RNFT2: variants seen among roughly 807,000 people sequenced by gnomAD.
RNFT2 encodes the protein E3 ubiquitin-protein ligase RNFT2.
RNFT2 carries 36 observed loss-of-function variants against 53.0 expected under a neutral mutation model. The observed-to-expected ratio is 0.68, with a 90% CI of 0.52 to 0.90. The LOEUF is 0.90. Ranked by LOEUF, RNFT2 falls within the 40% of genes least tolerant of loss-of-function variation. The pLI is 0.00. For missense variants in RNFT2, 514 were observed against 585.6 expected, an observed-to-expected ratio of 0.88 and a Z score of 1.26; for synonymous variants, 260 against 253.2, an observed-to-expected ratio of 1.03 and a Z score of -0.26.
chr12:116,849,114 T>A (rs531785487), intron 10 of RNFT2, among the ~76,000 whole-genome samples, 200 bp from the exon 11 acceptor site: 59 of 152,186 alleles, frequency 3.9e-4, no homozygotes, highest in African/African-American at 1.4e-3. Flanking sequence ...CCACCACACC[T>A]GTCCCCTCCC....
chr12:116,771,214 C>T (rs1873160481), intron 6 of RNFT2, among the ~76,000 whole-genome samples: 1 of 151,952 alleles, frequency 6.6e-6, no homozygotes, highest in Admixed American at 6.6e-5. Context: ...AATCCCAGCA[C>T]TTTGGGAGGC....
chr12:116,750,887 ATATAATATATATATATATATATTT>A (rs1872207741), intron 4 of RNFT2, among the ~76,000 whole-genome samples: 1 of 2,656 alleles, frequency 3.8e-4, no homozygotes, highest in African/African-American at 5.3e-4. Flanking sequence ...TATATTATAT[ATATAATATATATATATATATATTT>A]TTTTTTGAGA....
At chr12:116,804,119 CA>C (rs1374396029) in intron 7 of RNFT2, among the ~76,000 whole-genome samples, 2 of 152,198 alleles carry the variant, frequency 1.3e-5, no homozygotes, top group Admixed American at 6.5e-5. Context: ...TGTCCATAAA[CA>C]AAATATGGTG....
intron 7 of RNFT2, among the ~76,000 whole-genome samples, chr12:116,796,814 G>A (rs143697394): frequency 6.6e-6 from 1 of 152,294 alleles, no homozygotes; most frequent in African/African-American, 2.4e-5. Flanking sequence ...CATTCTGTGT[G>A]TAAAGACACA....
rs1255702819 is a variant in RNFT2, at chr12:116,750,093, C to T, written c.336C>T (p.Pro112=). The change falls in exon 4 of 11, where the codon CCC becomes CCT. Residue 112 remains proline, a synonymous_variant. Coordinates refer to ENST00000257575, the MANE Select transcript of RNFT2 (RefSeq NM_001382266.1). ...GEGGAYHHRQ[P]HHHFHHGGHR... ...GGGGCGCCTACCACCACCGCCAGCC[C>T]CACCACCATTTCCACCATGGCGGCC... 5.1e-6 allele frequency: 8 copies of T among 1,554,268 alleles called. No individual in the cohort carries two copies. The South Asian group carries it at 7.1e-5, about 14-fold the overall frequency.
intron 7 of RNFT2, among the ~76,000 whole-genome samples, chr12:116,828,103 G>C (rs1240426260): frequency 6.6e-6 from 1 of 152,012 alleles, no homozygotes; most frequent in Non-Finnish European, 1.5e-5. Flanking sequence ...GACGAAGCAG[G>C]AGGCTGCCCA....
At chr12:116,772,410 G>A (rs1017846508) in intron 6 of RNFT2, among the ~76,000 whole-genome samples, 2 of 152,166 alleles carry the variant, frequency 1.3e-5, no homozygotes, top group African/African-American at 4.8e-5. Context: ...TGGTTCAAGC[G>A]ATTCTCCTGC....
In RNFT2 at chr12:116,809,765, C is replaced by A. The variant is rs977655101; in HGVS notation, c.883-24027C>A. Among the ~76,000 whole-genome samples the A allele has an allele frequency of 3.9e-5, 6 of 152,228 alleles. No individual in the cohort carries two copies. The East Asian group carries it at 1.2e-3, about 29-fold the overall frequency. ...TCAGCTCACTGCAACCTCCACCTCC[C>A]GGGTTCAAGCTATTCTCCTGCCTCA... On this transcript the variant is annotated intron_variant, in intron 7 of 10. Coordinates refer to ENST00000257575, the MANE Select transcript of RNFT2 (RefSeq NM_001382266.1).
intron 7 of RNFT2, among the ~76,000 whole-genome samples, chr12:116,811,964 C>T (rs183276905): frequency 6.6e-6 from 1 of 152,288 alleles, no homozygotes; most frequent in East Asian, 1.9e-4. Context: ...TAGCTATATA[C>T]CCTCGGGTGA....
At chr12:116,765,812 G>A (rs1872889031) in intron 5 of RNFT2, among the ~76,000 whole-genome samples, 1 of 152,166 alleles carries the variant, frequency 6.6e-6, no homozygotes, top group African/African-American at 2.4e-5. Flanking sequence ...ATTCTACACT[G>A]TGGCATTCCA....
At chr12:116,846,060 T>C (rs980323147) in intron 10 of RNFT2, among the ~76,000 whole-genome samples, 4 of 152,120 alleles carry the variant, frequency 2.6e-5, no homozygotes, top group African/African-American at 7.2e-5. Flanking sequence ...CATAATACCA[T>C]GGAAATCTCC....
At chr12:116,821,378 G>A (rs868074825) in intron 7 of RNFT2, among the ~76,000 whole-genome samples, 1 of 152,178 alleles carries the variant, frequency 6.6e-6, no homozygotes, top group Non-Finnish European at 1.5e-5. Context: ...AGGAGACCCA[G>A]CACGGGCCTC....
chr12:116,815,484 C>T (rs1225611378), intron 7 of RNFT2, among the ~76,000 whole-genome samples: 1 of 152,170 alleles, frequency 6.6e-6, no homozygotes, highest in Admixed American at 6.5e-5. Flanking sequence ...CTTCTAGAAG[C>T]TCCCTGCCCT....
intron 1 of RNFT2, among the ~76,000 whole-genome samples, chr12:116,739,442 T>G (rs1472045799): frequency 6.6e-6 from 1 of 152,212 alleles, no homozygotes; most frequent in Non-Finnish European, 1.5e-5. Flanking sequence ...GAATGGCATT[T>G]ATATTCTAAT....
chr12:116,743,959 GC>G (rs1375328528), intron 3 of RNFT2, among the ~76,000 whole-genome samples: 1 of 152,152 alleles, frequency 6.6e-6, no homozygotes, highest in African/African-American at 2.4e-5. Flanking sequence ...AGGCATGGTG[GC>G]TTATGCCTGT....
intron 7 of RNFT2, among the ~76,000 whole-genome samples, chr12:116,825,343 T>C (rs1020117758): frequency 8.5e-5 from 13 of 152,346 alleles, no homozygotes; most frequent in Middle Eastern, 3.4e-3. Context: ...GTCCCAGATA[T>C]CACTTTTGCC....
chr12:116,777,517 G>A (rs2137114720), intron 6 of RNFT2, among the ~76,000 whole-genome samples: 1 of 152,296 alleles, frequency 6.6e-6, no homozygotes, highest in East Asian at 1.9e-4. Flanking sequence ...CTACTCAGCT[G>A]TAGAGTATGG....
intron 7 of RNFT2, among the ~76,000 whole-genome samples, chr12:116,815,067 C>A (rs960740425): frequency 2.0e-5 from 3 of 152,056 alleles, no homozygotes; most frequent in Non-Finnish European, 4.4e-5. Flanking sequence ...AGGGGCCCTG[C>A]ATTTTAATTT....
chr12:116,754,722 A>G (rs977422370), intron 5 of RNFT2, among the ~76,000 whole-genome samples: 7 of 152,094 alleles, frequency 4.6e-5, no homozygotes, highest in African/African-American at 1.7e-4. Context: ...TTTGATTTGC[A>G]TTTCCCTGAT....
Sources: allele counts gnomAD v4.1 joint callset (sites outside exome capture counted in the v4.1 genomes callset), GRCh38; gene constraint gnomAD v4.1.1; transcripts MANE v1.5; gene names NCBI Gene and HGNC (gene_info 2026-07-23, HGNC 2026-07-21).